The following MARCHF7 variants were observed in gnomAD, a reference collection of about 807,000 sequenced individuals.
The protein encoded by MARCHF7 is E3 ubiquitin-protein ligase MARCHF7.
MARCHF7 carries 20 observed loss-of-function variants against 76.5 expected under a neutral mutation model. The observed-to-expected ratio is 0.26, with a 90% CI of 0.18 to 0.38. The LOEUF (loss-of-function observed/expected upper bound fraction) is 0.38. Among genes scored for constraint, MARCHF7 ranks in the 10% least tolerant of loss-of-function variants. MARCHF7 has a pLI of 1.00. For missense variants in MARCHF7, 797 were observed against 812.9 expected (o/e 0.98, Z 0.24); for synonymous variants, 295 against 293.0 (o/e 1.01, Z -0.07).
intron 3 of MARCHF7, among the ~76,000 whole-genome samples, chr2:159,716,863 G>A (rs1042402819): frequency 6.6e-6 from 1 of 152,208 alleles, no homozygotes; most frequent in Non-Finnish European, 1.5e-5. Flanking sequence ...ATAAGGATAA[G>A]TAATGAATCT....
chr2:159,764,756 G>C (rs1707558691), intron 11 of MARCHF7, 82 bp downstream of exon 11: 1 of 1,023,788 alleles, frequency 9.8e-7, no homozygotes, highest in Non-Finnish European at 1.4e-6. Context: ...TATATACTCT[G>C]TTCTGCCAAA....
intron 7 of MARCHF7, among the ~76,000 whole-genome samples, chr2:159,751,894 C>A (rs1357565071): frequency 6.6e-6 from 1 of 152,038 alleles, no homozygotes; most frequent in African/African-American, 2.4e-5. Context: ...AAACATGGTT[C>A]TGGTAACATG....
At chr2:159,744,301 A>G (rs72996632) in intron 5 of MARCHF7, among the ~76,000 whole-genome samples, 12,170 of 152,134 alleles carry the variant, frequency 0.08, 574 homozygotes, top group African/African-American at 0.13. Flanking sequence ...TAGGAGTTCT[A>G]TACAAGGGAT....
rs531057468 is a variant in MARCHF7 at position 159,752,628 on chromosome 2, C to T, written c.1783+57C>T. 9.0e-6 allele frequency: 12 copies of T among 1,338,664 alleles called. No homozygotes were observed. The South Asian group carries it at 1.6e-4, about 18-fold the overall frequency. The allele number at this position is 1,338,664 out of a possible 1,614,324, so 82.9% of individuals were successfully genotyped here. A position where few individuals can be genotyped will look rare whatever the true frequency, so the allele number is the denominator to read the frequency against. On this transcript the variant is annotated intron_variant, in intron 8 of 11. Transcript: ENST00000409175. Reference sequence around the variant, plus strand: ...TTTCTAAGAGATGCATGTATGTATGCGTTTGGTTAACAAATTTATAGATTG... The same window carrying T: ...TTTCTAAGAGATGCATGTATGTATGTGTTTGGTTAACAAATTTATAGATTG...
intron 4 of MARCHF7, among the ~76,000 whole-genome samples, chr2:159,731,749 C>T (rs969380625): frequency 5.3e-5 from 8 of 149,692 alleles, no homozygotes; most frequent in East Asian, 2.0e-4. Flanking sequence ...AGTGAAACTC[C>T]GTCTCAAAAA....
intron 7 of MARCHF7, among the ~76,000 whole-genome samples, chr2:159,751,935 T>C (rs1356566014): frequency 6.6e-6 from 1 of 152,218 alleles, no homozygotes; most frequent in Admixed American, 6.5e-5. Context: ...AGTATGTGTT[T>C]AATTCATGGA....
chr2:159,725,253 G>T (rs983295949), intron 3 of MARCHF7, among the ~76,000 whole-genome samples: 5 of 152,164 alleles, frequency 3.3e-5, no homozygotes, highest in Non-Finnish European at 7.3e-5. Context: ...TTGAGGAATC[G>T]CCACACTGTC....
At chr2:159,751,717 TA>T (rs1307926359) in intron 7 of MARCHF7, among the ~76,000 whole-genome samples, 1 of 152,192 alleles carries the variant, frequency 6.6e-6, no homozygotes, top group Non-Finnish European at 1.5e-5. Flanking sequence ...CCTTATTATA[TA>T]AAACTATTAC....
At chr2:159,749,729 G>A (rs1705381130) in intron 7 of MARCHF7, among the ~76,000 whole-genome samples, 1 of 126,070 alleles carries the variant, frequency 7.9e-6, no homozygotes, top group East Asian at 2.2e-4. Context: ...GGTAGGCAAT[G>A]GTTGGGGCGG....
chr2:159,748,415 A>G lies in MARCHF7; in HGVS notation c.1125A>G (p.Gln375=). The change falls in exon 7 of 12, where the codon CAA becomes CAG. Residue 375 remains glutamine (Q), a synonymous_variant. Coordinates refer to ENST00000409175, the MANE Select transcript of MARCHF7 (RefSeq NM_001282805.2). ...SSESDSENFN[Q]ESEGRNTGPW... ...AGTCAGATTCAGAAAATTTTAACCA[A>G]GAATCTGAAGGTAGAAATACAGGAC... is the stretch of plus-strand genomic sequence containing the variant. 6.2e-7 allele frequency: 1 copy of G among 1,614,120 alleles called. No homozygotes were observed.
chr2:159,764,550 A>T, intron 10 of MARCHF7, 76 bp from the exon 11 acceptor site: 1 of 1,108,278 alleles, frequency 9.0e-7, no homozygotes. Flanking sequence ...GTAGAAATGA[A>T]TCTCCTATAC....
intron 4 of MARCHF7, among the ~76,000 whole-genome samples, chr2:159,742,473 T>A (rs1349650407): frequency 6.6e-6 from 1 of 152,026 alleles, no homozygotes; most frequent in Non-Finnish European, 1.5e-5. Flanking sequence ...GATTTCATTT[T>A]CAAAAAGAAA....
In MARCHF7 at chr2:159,717,742, C is replaced by T. The variant is rs1026406561; in HGVS notation, c.-15+1976C>T. ...ATTGTTGCCCTCAATTAACAAAGTA[C>T]ATTAAAGAATTTTTTTGAAAACTAA... On this transcript the variant is annotated intron_variant, in intron 3 of 11. Coordinates refer to ENST00000409175, the MANE Select transcript of MARCHF7 (RefSeq NM_001282805.2). 3.9e-5 allele frequency among the ~76,000 whole-genome samples: 6 copies of T among 152,014 alleles called. No homozygotes were observed. In the East Asian group the frequency reaches 9.6e-4, roughly 24 times the overall value.
chr2:159,764,555 C>T (rs1188621230), intron 10 of MARCHF7, 71 bp from the exon 11 acceptor site: 4 of 1,238,978 alleles, frequency 3.2e-6, no homozygotes, highest in East Asian at 2.6e-5. Flanking sequence ...AATGAATCTC[C>T]TATACTGATT....
chr2:159,725,144 C>G (rs1702022105), intron 3 of MARCHF7, among the ~76,000 whole-genome samples: 1 of 152,286 alleles, frequency 6.6e-6, no homozygotes, highest in South Asian at 2.1e-4. Context: ...AGTAAACATA[C>G]TTGTGCATGT....
At chr2:159,727,863 A>G (rs559896244) in intron 3 of MARCHF7, among the ~76,000 whole-genome samples, 18 of 152,376 alleles carry the variant, frequency 1.2e-4, no homozygotes, top group African/African-American at 4.3e-4. Flanking sequence ...AATCAGGCAT[A>G]GGTAATCATT....
chr2:159,756,781 C>G (rs1195131563), intron 8 of MARCHF7, among the ~76,000 whole-genome samples: 1 of 150,810 alleles, frequency 6.6e-6, no homozygotes, highest in Non-Finnish European at 1.5e-5. Context: ...GTTCCATCTT[C>G]AGTAAAATTG....
At chr2:159,766,102 T>A (rs1034246638) in intron 11 of MARCHF7, among the ~76,000 whole-genome samples, 1 of 152,158 alleles carries the variant, frequency 6.6e-6, no homozygotes, top group Non-Finnish European at 1.5e-5. Context: ...CATACTCAAA[T>A]AAGCATGAAA....
At chr2:159,754,449 G>C (rs1275480322) in intron 8 of MARCHF7, among the ~76,000 whole-genome samples, 1 of 152,122 alleles carries the variant, frequency 6.6e-6, no homozygotes, top group Non-Finnish European at 1.5e-5. Context: ...AGCCTGATTA[G>C]ATTAGACTGA....
Sources: gnomAD v4.1 joint callset for allele counts (sites outside exome capture counted in the v4.1 genomes callset) on GRCh38, gnomAD v4.1.1 for gene constraint, MANE v1.5 for transcripts, NCBI Gene and HGNC (gene_info 2026-07-23, HGNC 2026-07-21) for gene names.